METTL15: variants seen among roughly 807,000 people sequenced by gnomAD.
METTL15 encodes the protein methyltransferase 15, mitochondrial 12S rRNA N4-cytidine.
A neutral mutation model predicts 38.3 loss-of-function variants in METTL15; 34 were observed. That is an observed-to-expected ratio of 0.89 (90% confidence interval 0.68 to 1.18). The LOEUF (loss-of-function observed/expected upper bound fraction) is 1.18. METTL15 is among the 50% of genes most tolerant of loss of function. METTL15 has a pLI of 0.00. For synonymous variants in METTL15, 162 were observed against 170.9 expected, an observed-to-expected ratio of 0.95 and a Z score of 0.41; for missense variants, 438 against 498.4, an observed-to-expected ratio of 0.88 and a Z score of 1.15.
chr11:28,157,754 C>T lies in METTL15; in HGVS notation c.270+44150C>T, dbSNP rs374257813. On this transcript the variant is annotated intron_variant, in intron 3 of 6. Transcript: ENST00000407364. ...ACAAGTAATTTACATGAGGAAGTGG[C>T]GCAAATGCCCACGGTCCCCACTCCT... is the stretch of plus-strand genomic sequence containing the variant. Among the ~76,000 whole-genome samples the T allele has an allele frequency of 2.8e-4, 43 of 152,178 alleles. 1 individual carries two copies. The highest frequency in any genetic ancestry group is 6.2e-4 in the South Asian group (3 of 4,818).
chr11:28,174,771 C>G (rs1427318613), intron 3 of METTL15, among the ~76,000 whole-genome samples: 1 of 147,252 alleles, frequency 6.8e-6, no homozygotes. Context: ...GAAGAGATTG[C>G]GCCACTGCAC....
At chr11:28,471,935 A>C (rs1474548201) in intron 6 of METTL15, among the ~76,000 whole-genome samples, 5 of 152,070 alleles carry the variant, frequency 3.3e-5, no homozygotes, top group Non-Finnish European at 5.9e-5. Context: ...TATTTGAATG[A>C]TTTTTCTGAA....
chr11:28,472,220 T>C (rs1344636680), intron 6 of METTL15, among the ~76,000 whole-genome samples: 1 of 152,160 alleles, frequency 6.6e-6, no homozygotes, highest in African/African-American at 2.4e-5. Context: ...TGCTCTCCTA[T>C]TTACTTTGAA....
At chr11:28,298,974 A>T (rs894636793) in intron 6 of METTL15, among the ~76,000 whole-genome samples, 1 of 152,134 alleles carries the variant, frequency 6.6e-6, no homozygotes, top group African/African-American at 2.4e-5. Context: ...CTGTGTTTAC[A>T]AAGTTTATAG....
intron 5 of METTL15, among the ~76,000 whole-genome samples, chr11:28,294,364 T>C (rs1474908420): frequency 6.6e-6 from 1 of 152,176 alleles, no homozygotes; most frequent in African/African-American, 2.4e-5. Context: ...ATGTGGCCTG[T>C]CAATTCCTGA....
chr11:28,417,935 T>G (rs996772528), intron 5 of METTL15, among the ~76,000 whole-genome samples: 8 of 152,234 alleles, frequency 5.3e-5, no homozygotes, highest in African/African-American at 1.7e-4. Flanking sequence ...CCTGCTTTAT[T>G]AAATAGAACA....
intron 6 of METTL15, among the ~76,000 whole-genome samples, chr11:28,325,722 G>A (rs1849614547): frequency 6.6e-6 from 1 of 152,156 alleles, no homozygotes; most frequent in Non-Finnish European, 1.5e-5. Context: ...GTGGAGCCAG[G>A]CATTTTTGTC....
intron 5 of METTL15, among the ~76,000 whole-genome samples, chr11:28,378,215 C>G (rs1850341020): frequency 6.6e-6 from 1 of 152,226 alleles, no homozygotes; most frequent in South Asian, 2.1e-4. Context: ...CTTTGTTTAC[C>G]TAAGCAAGCT....
At chr11:28,393,495 C>A (rs1850534189) in intron 5 of METTL15, among the ~76,000 whole-genome samples, 1 of 152,048 alleles carries the variant, frequency 6.6e-6, no homozygotes, top group African/African-American at 2.4e-5. Flanking sequence ...TAGATGCCAG[C>A]TGGAGCTATT....
intron 5 of METTL15, among the ~76,000 whole-genome samples, chr11:28,390,289 A>T (rs1248539681): frequency 6.6e-6 from 1 of 151,010 alleles, no homozygotes; most frequent in African/African-American, 2.4e-5. Context: ...TGTTTTAGAC[A>T]TGAAGTCCTT....
At chr11:28,389,534 A>G (rs954527776) in intron 5 of METTL15, among the ~76,000 whole-genome samples, 35 of 151,490 alleles carry the variant, frequency 2.3e-4, no homozygotes, top group African/African-American at 8.5e-4. Flanking sequence ...TTCCAATTTC[A>G]TCCATGTCCC....
At chr11:28,183,676 A>G (rs1223213925) in intron 3 of METTL15, among the ~76,000 whole-genome samples, 1 of 151,598 alleles carries the variant, frequency 6.6e-6, no homozygotes, top group East Asian at 1.9e-4. Context: ...TTTATTGAGG[A>G]TTTTCGCATT....
intron 5 of METTL15, among the ~76,000 whole-genome samples, chr11:28,375,951 T>C (rs1850306303): frequency 6.6e-6 from 1 of 152,154 alleles, no homozygotes; most frequent in Non-Finnish European, 1.5e-5. Flanking sequence ...GAGCAGGTTG[T>C]TCAGTTTCCA....
At chr11:28,210,092 A>G (rs1238286024) in intron 3 of METTL15, among the ~76,000 whole-genome samples, 2 of 151,984 alleles carry the variant, frequency 1.3e-5, no homozygotes, top group Non-Finnish European at 2.9e-5. Context: ...CTTATGATCC[A>G]GGTCTGGTTG....
intron 4 of METTL15, among the ~76,000 whole-genome samples, chr11:28,360,928 G>A (rs1484672653): frequency 1.6e-4 from 24 of 150,446 alleles, no homozygotes; most frequent in Non-Finnish European, 2.7e-4. Flanking sequence ...TTGTCCTTGC[G>A]ATAGTTTACT....
At chr11:28,115,342 TC>T (rs2133592914) in intron 3 of METTL15, among the ~76,000 whole-genome samples, 1 of 151,986 alleles carries the variant, frequency 6.6e-6, no homozygotes, top group Non-Finnish European at 1.5e-5. Flanking sequence ...CACCGCAACC[TC>T]TGCTTCCCGG....
Position 28,331,187 on chromosome 11 carries a change from A to G in METTL15, c.*346A>G, listed in dbSNP as rs1849806960. On this transcript the variant is annotated 3_prime_UTR_variant, in exon 7 of 7. Coordinates refer to ENST00000407364, the MANE Select transcript of METTL15 (RefSeq NM_001113528.2). The stretch of plus-strand genomic sequence containing the variant: ...AAGCTACCAAAGAGAAAGATGTTGT[A>G]ATCATATCTGCATGTCCTAAATTTT... The G allele has an allele frequency of 5.7e-6, 1 of 175,294 alleles. No homozygotes were observed. Among genetic ancestry groups the G allele is most frequent in the Non-Finnish European group, 1.2e-5 (1 of 83,916 alleles). 10.9% of individuals were successfully genotyped at this position (175,294 alleles called of 1,614,324 possible). A position where few individuals can be genotyped will look rare whatever the true frequency, so the allele number is the denominator to read the frequency against.
chr11:28,133,901 A>C (rs1849423543), intron 3 of METTL15, among the ~76,000 whole-genome samples: 1 of 152,130 alleles, frequency 6.6e-6, no homozygotes, highest in African/African-American at 2.4e-5. Context: ...TTTTAGGGTA[A>C]TTTTTTATGC....
intron 3 of METTL15, among the ~76,000 whole-genome samples, chr11:28,151,976 C>T (rs1850105484): frequency 6.6e-6 from 1 of 152,000 alleles, no homozygotes; most frequent in African/African-American, 2.4e-5. Flanking sequence ...TAGTTATTTG[C>T]TTCTGAAATA....
Sources: allele counts gnomAD v4.1 joint callset (sites outside exome capture counted in the v4.1 genomes callset), GRCh38; gene constraint gnomAD v4.1.1; transcripts MANE v1.5; gene names NCBI Gene and HGNC (gene_info 2026-07-23, HGNC 2026-07-21).